Variants in NFIC observed in about 807,000 individuals in gnomAD.
The protein encoded by NFIC is nuclear factor 1 C-type.
NFIC carries 12 observed loss-of-function variants against 54.4 expected under a neutral mutation model. The observed-to-expected ratio is 0.22, with a 90% CI of 0.14 to 0.36. NFIC has a LOEUF of 0.36. NFIC is among the 10% of genes least tolerant of loss of function. The pLI, the probability that NFIC is intolerant of heterozygous loss-of-function variation, is 1.00. For missense variants in NFIC, 575 were observed against 718.2 expected (o/e 0.80, Z 2.28); for synonymous variants, 322 against 319.2 (o/e 1.01, Z -0.09).
rs540470253 is a variant in NFIC, at chr19:3,380,064, A to C, written c.31-1648A>C. On this transcript the variant is annotated intron_variant, in intron 1 of 10. Transcript: ENST00000443272. The stretch of plus-strand genomic sequence containing the variant: ...CGCCCAGGCTGGAGTGCAGTGGCGC[A>C]ATCTCGGCTCACTGCAAGCTCCGCC... Among the ~76,000 whole-genome samples, 6 of 151,070 alleles carry C rather than the reference A, an allele frequency of 4.0e-5. No individual in the cohort carries two copies. In the South Asian group the frequency reaches 8.4e-4, roughly 21 times the overall value.
At chr19:3,394,576 A>C (rs1458422105) in intron 2 of NFIC, among the ~76,000 whole-genome samples, 1 of 124,648 alleles carries the variant, frequency 8.0e-6, no homozygotes, top group African/African-American at 3.0e-5. Context: ...CATTTCAAGC[A>C]CTGGATGTCA....
intron 6 of NFIC, among the ~76,000 whole-genome samples, chr19:3,441,279 G>A (rs11882906): frequency 1.3e-5 from 2 of 152,212 alleles, no homozygotes; most frequent in African/African-American, 4.8e-5. Flanking sequence ...ACGGAACCAC[G>A]TGGCCGTTCC....
At chr19:3,371,998 C>CTCTCTCTCTCTCT (rs2081026721) in intron 1 of NFIC, among the ~76,000 whole-genome samples, 1 of 35,370 alleles carries the variant, frequency 2.8e-5, no homozygotes, top group African/African-American at 1.0e-4. Flanking sequence ...CCTCTCTCTC[C>CTCTCTCTCTCTCT]CTCTCTCTCT....
chr19:3,401,098 C>T (rs1404468647), intron 2 of NFIC, among the ~76,000 whole-genome samples: 1 of 152,158 alleles, frequency 6.6e-6, no homozygotes, highest in Non-Finnish European at 1.5e-5. Flanking sequence ...ACACACCTGG[C>T]ACTTTGGAGG....
chr19:3,381,823 C>T lies in NFIC; in HGVS notation c.142C>T (p.Arg48Trp). ...CAAGTACTTCAAGAAGCACGAGAAG[C>T]GGATGTCGAAGGACGAGGAGCGTGC... Reference protein sequence around the residue: ...KRKYFKKHEKRMSKDEERAVK... With the variant: ...KRKYFKKHEKWMSKDEERAVK... The change falls in exon 2 of 11, where the codon CGG becomes TGG. Residue 48 changes from arginine (R) to tryptophan (W), a missense_variant. By Grantham distance (101) the Arg-to-Trp change is moderately radical. Coordinates refer to ENST00000443272, the MANE Select transcript of NFIC (RefSeq NM_001245002.2). 8 of 1,614,000 alleles carry T rather than the reference C, an allele frequency of 5.0e-6. No homozygotes were observed. Among genetic ancestry groups the T allele is most frequent in the Non-Finnish European group, 6.8e-6 (8 of 1,179,972 alleles).
At chr19:3,371,125 GA>G (rs2081000855) in intron 1 of NFIC, among the ~76,000 whole-genome samples, 1 of 152,188 alleles carries the variant, frequency 6.6e-6, no homozygotes, top group Non-Finnish European at 1.5e-5. Flanking sequence ...CTGGTATAGA[GA>G]AGGTGCCAAA....
intron 2 of NFIC, among the ~76,000 whole-genome samples, chr19:3,395,336 G>A (rs941198939): frequency 2.6e-5 from 4 of 151,834 alleles, no homozygotes; most frequent in African/African-American, 9.7e-5. Context: ...TCCAGCCTGG[G>A]CAACAGAGTG....
At position 3,452,367 on chromosome 19, in the gene NFIC, T is replaced by C; in HGVS notation, c.1085-115T>C. ...GCTGGGTTTTTTTGGTGGTTATTGT[T>C]ACTAAACGCACTGAGATGCCGGCAG... On this transcript the variant is annotated intron_variant, in intron 7 of 10. Transcript: ENST00000443272. This position sits in a 1 kb window ranked among gnomAD's most constrained non-coding sequence, Gnocchi z 5.3. 1 of 1,370,022 alleles carries C rather than the reference T, an allele frequency of 7.3e-7. No homozygotes were observed. The allele number at this position is 1,370,022 out of a possible 1,614,324, so 84.9% of individuals were successfully genotyped here. A position where few individuals can be genotyped will look rare whatever the true frequency, so the allele number is the denominator to read the frequency against.
rs1387759996 is a variant in NFIC at position 3,452,852 on chromosome 19, A to C, written c.1269+186A>C. On this transcript the variant is annotated intron_variant, in intron 8 of 10. Coordinates refer to ENST00000443272, the MANE Select transcript of NFIC (RefSeq NM_001245002.2). This position sits in a 1 kb window ranked among gnomAD's most constrained non-coding sequence, Gnocchi z 5.3. ...CAGAATTGAGATGCTTTCGGATGTC[A>C]GGGTTTCGGGCGCATCATGTCGCAC... Among the ~76,000 whole-genome samples the C allele has an allele frequency of 6.6e-6, 1 of 152,296 alleles. No homozygotes were observed. Among genetic ancestry groups the C allele is most frequent in the East Asian group, 1.9e-4 (1 of 5,178 alleles).
intron 2 of NFIC, among the ~76,000 whole-genome samples, chr19:3,405,223 G>A (rs1051187732): frequency 1.3e-5 from 2 of 152,238 alleles, no homozygotes; most frequent in Non-Finnish European, 2.9e-5. Context: ...GGGGAGGCCC[G>A]GGATGGAGGC....
At chr19:3,412,868 AG>A in intron 2 of NFIC, among the ~76,000 whole-genome samples, 1 of 152,042 alleles carries the variant, frequency 6.6e-6, no homozygotes, top group East Asian at 1.9e-4. Flanking sequence ...GCTGAGCGGG[AG>A]GGGCCGGGGT....
chr19:3,462,852 G>C lies in NFIC; in HGVS notation c.*83G>C. The C allele has an allele frequency of 6.2e-7, 1 of 1,608,142 alleles. No individual in the cohort carries two copies. Among genetic ancestry groups the C allele is most frequent in the East Asian group, 2.2e-5 (1 of 44,766 alleles). ...CAGCCGGCCCCCGGCCCACGTTTTC[G>C]GTGGAAAATTAGAGTGAACAAGAAC... On this transcript the variant is annotated 3_prime_UTR_variant, in exon 11 of 11. Transcript: ENST00000443272.
upstream of NFIC, among the ~76,000 whole-genome samples, chr19:3,365,510 G>C (rs2145417404): frequency 6.6e-6 from 1 of 152,278 alleles, no homozygotes; most frequent in African/African-American, 2.4e-5. Flanking sequence ...GTCATCAGAT[G>C]CCCTGGGGGC....
At chr19:3,408,864 G>A (rs1011852980) in intron 2 of NFIC, among the ~76,000 whole-genome samples, 2 of 152,096 alleles carry the variant, frequency 1.3e-5, no homozygotes, top group Admixed American at 1.3e-4. Context: ...GATTATAGGC[G>A]TGAGCCACCG....
intron 6 of NFIC, among the ~76,000 whole-genome samples, chr19:3,448,426 G>A (rs2082404607): frequency 6.6e-6 from 1 of 152,192 alleles, no homozygotes; most frequent in African/African-American, 2.4e-5. Context: ...CTGAGCTGCT[G>A]AGTTGGGGGC....
rs1251160594 is a variant in NFIC, at chr19:3,463,791, G to GC, written c.*1027dup. On this transcript the variant is annotated 3_prime_UTR_variant, in exon 11 of 11. Transcript: ENST00000443272. ...CGAGTTGGGGGTGCCCGTCTGGAGC[G>GC]CCCCCGTCAGCCCCTGGCGGTGGGA... The GC allele has an allele frequency of 1.6e-5, 16 of 985,130 alleles. No homozygotes were observed. The highest frequency in any genetic ancestry group is 1.8e-5 in the Non-Finnish European group (15 of 829,792). The allele number at this position is 985,130 out of a possible 1,614,324, so 61.0% of individuals were successfully genotyped here.
At chr19:3,361,199 G>A (rs2080806726) in intron 1 of NFIC, among the ~76,000 whole-genome samples, 1 of 152,310 alleles carries the variant, frequency 6.6e-6, no homozygotes, top group East Asian at 1.9e-4. Flanking sequence ...CGCAGACGTC[G>A]CTCGCCAGGG....
intron 2 of NFIC, among the ~76,000 whole-genome samples, chr19:3,408,154 G>A (rs948739688): frequency 1.3e-5 from 2 of 152,024 alleles, no homozygotes; most frequent in Non-Finnish European, 2.9e-5. Flanking sequence ...TCACGGTGGC[G>A]GCCGATGCTG....
In NFIC at chr19:3,464,913, T is replaced by G; in HGVS notation, c.*2144T>G. 1 of 158,080 alleles carries G rather than the reference T, an allele frequency of 6.3e-6. No homozygotes were observed. Among genetic ancestry groups the G allele is most frequent in the Non-Finnish European group, 1.3e-5 (1 of 74,970 alleles). The allele number at this position is 158,080 out of a possible 1,614,324, so 9.8% of individuals were successfully genotyped here. A position where few individuals can be genotyped will look rare whatever the true frequency, so the allele number is the denominator to read the frequency against. On this transcript the variant is annotated 3_prime_UTR_variant, in exon 11 of 11. Transcript: ENST00000443272. ...GTGGTCGGGTTGTGCCATTGGGGTG[T>G]CCGGAAGCTTCTCAGCCAGGGTGGG...
Sources: allele counts gnomAD v4.1 joint callset (sites outside exome capture counted in the v4.1 genomes callset), GRCh38; gene constraint gnomAD v4.1.1; non-coding constraint Gnocchi (gnomAD v3.1); transcripts MANE v1.5; gene names NCBI Gene and HGNC (gene_info 2026-07-23, HGNC 2026-07-21).